The following UBR3 variants were observed in gnomAD, a reference collection of about 807,000 sequenced individuals.
The protein encoded by UBR3 is ubiquitin protein ligase E3 component n-recognin 3.
Under a neutral mutation model 243.2 loss-of-function variants are expected in UBR3, and 85 were observed. The observed-to-expected ratio is 0.35, with a 90% CI of 0.29 to 0.42. The LOEUF is 0.42. UBR3 is among the 10% of genes least tolerant of loss of function. UBR3 has a pLI of 1.00. For missense variants in UBR3, 1,686 were observed against 2,300.8 expected, an observed-to-expected ratio of 0.73 and a Z score of 5.47; for synonymous variants, 748 against 799.8, an observed-to-expected ratio of 0.94 and a Z score of 1.09.
At chr2:169,895,353 T>A (rs1323951979) in intron 7 of UBR3, 42 bp downstream of exon 7, 2 of 1,505,422 alleles carry the variant, frequency 1.3e-6, no homozygotes, top group African/African-American at 2.8e-5. Context: ...TAGCTTTTCT[T>A]TCTTTGCCTT....
At chr2:169,831,062 T>A (rs893501621) in intron 1 of UBR3, among the ~76,000 whole-genome samples, 1 of 145,656 alleles carries the variant, frequency 6.9e-6, no homozygotes, top group African/African-American at 2.5e-5. Flanking sequence ...GTCTCATAGG[T>A]AAGTATTATT....
intron 38 of UBR3, among the ~76,000 whole-genome samples, chr2:170,080,917 G>A (rs183502453): frequency 7.5e-4 from 114 of 152,264 alleles, no homozygotes; most frequent in Admixed American, 1.5e-3. Flanking sequence ...CGTTGGCCAG[G>A]CCCAGTGGCT....
chr2:169,967,473 C>T (rs2087875876), intron 24 of UBR3, among the ~76,000 whole-genome samples: 1 of 152,048 alleles, frequency 6.6e-6, no homozygotes, highest in South Asian at 2.1e-4. Context: ...CAGCAAAAAT[C>T]CTTGCTGTGA....
chr2:169,998,387 C>T lies in UBR3; in HGVS notation c.3919-2917C>T, dbSNP rs144037748. On this transcript the variant is annotated intron_variant, in intron 26 of 38. Transcript: ENST00000272793. ...GAGCTGAAATCTGAGTTGGATTATACTCTGTTGTGTTTCTGTTAGTGATTG... is the reference window on the plus strand; with the variant it reads ...GAGCTGAAATCTGAGTTGGATTATATTCTGTTGTGTTTCTGTTAGTGATTG... Among the ~76,000 whole-genome samples, 4 of 152,226 alleles carry T rather than the reference C, an allele frequency of 2.6e-5. No individual in the cohort carries two copies. The East Asian group carries it at 7.7e-4, about 29-fold the overall frequency.
intron 32 of UBR3, among the ~76,000 whole-genome samples, chr2:170,052,546 G>A (rs1286101645): frequency 6.6e-6 from 1 of 152,148 alleles, no homozygotes; most frequent in Admixed American, 6.5e-5. Flanking sequence ...TGCCATTTGC[G>A]ACAGCATGGA....
At chr2:169,895,663 T>G (rs897110142) in intron 7 of UBR3, among the ~76,000 whole-genome samples, 1 of 152,202 alleles carries the variant, frequency 6.6e-6, no homozygotes, top group Non-Finnish European at 1.5e-5. Flanking sequence ...GCTATAAGAA[T>G]GTTTAATGGG....
intron 30 of UBR3, among the ~76,000 whole-genome samples, chr2:170,020,665 G>T (rs1447697653): frequency 2.0e-5 from 3 of 152,146 alleles, no homozygotes; most frequent in Non-Finnish European, 4.4e-5. Context: ...AGCTGGACTA[G>T]GAGTTATACT....
intron 30 of UBR3, among the ~76,000 whole-genome samples, chr2:170,027,950 C>T (rs1204614856): frequency 6.6e-6 from 1 of 151,720 alleles, no homozygotes; most frequent in Non-Finnish European, 1.5e-5. Context: ...TAATATTACC[C>T]GCCTAGTAGA....
intron 1 of UBR3, among the ~76,000 whole-genome samples, chr2:169,856,750 C>T (rs980656787): frequency 9.4e-5 from 14 of 148,162 alleles, no homozygotes; most frequent in Non-Finnish European, 1.6e-4. Context: ...GAGAATCAGG[C>T]AGGGAGGTTG....
At chr2:170,038,001 A>G (rs1193119788) in intron 31 of UBR3, among the ~76,000 whole-genome samples, 1 of 152,202 alleles carries the variant, frequency 6.6e-6, no homozygotes, top group African/African-American at 2.4e-5. Context: ...GATTGCTTGT[A>G]TTGTAGAAAA....
rs11344991 is a variant in UBR3 at position 169,869,216 on chromosome 2, G to GTTT, written c.546-2999_546-2997dup. On this transcript the variant is annotated intron_variant, in intron 1 of 38. Transcript: ENST00000272793. ...TTCTGGTGATGCTAAGATTGATAAG[G>GTTT]TTTTTTTTTTTTTTTTTTTTTTTGA... Among the ~76,000 whole-genome samples the GTTT allele has an allele frequency of 2.3e-3, 128 of 56,202 alleles. 1 individual carries two copies. The highest frequency in any genetic ancestry group is 3.2e-3 in the African/African-American group (50 of 15,482). 36.9% of individuals were successfully genotyped at this position (56,202 alleles called of 152,430 possible).
At chr2:169,844,760 T>C (rs935762478) in intron 1 of UBR3, among the ~76,000 whole-genome samples, 3 of 152,188 alleles carry the variant, frequency 2.0e-5, no homozygotes, top group Non-Finnish European at 4.4e-5. Flanking sequence ...CCTCTCAAAG[T>C]GCTGGGATTA....
intron 11 of UBR3, among the ~76,000 whole-genome samples, chr2:169,920,759 C>T (rs1022896013): frequency 1.3e-5 from 2 of 152,070 alleles, no homozygotes; most frequent in Admixed American, 6.6e-5. Flanking sequence ...ATTGCTCAAG[C>T]GGGGGTAGAT....
intron 11 of UBR3, among the ~76,000 whole-genome samples, chr2:169,921,035 G>A (rs1422475701): frequency 6.6e-6 from 1 of 152,012 alleles, no homozygotes; most frequent in Non-Finnish European, 1.5e-5. Flanking sequence ...AGAAGAAAGT[G>A]GATTTAAGAG....
At chr2:170,065,971 CTTTT>C (rs200207380) in intron 35 of UBR3, among the ~76,000 whole-genome samples, 4 of 140,646 alleles carry the variant, frequency 2.8e-5, no homozygotes, top group South Asian at 2.2e-4. Flanking sequence ...TATCCCGTGC[CTTTT>C]TTTTTTTTGC....
intron 26 of UBR3, 42 bp downstream of exon 26, chr2:169,994,498 G>C: frequency 6.4e-7 from 1 of 1,566,052 alleles, no homozygotes; most frequent in South Asian, 1.2e-5. Context: ...CTGCCAAGTT[G>C]ATGGTTATTT....
chr2:169,936,051 T>G (rs1324991900), intron 19 of UBR3, among the ~76,000 whole-genome samples: 1 of 152,142 alleles, frequency 6.6e-6, no homozygotes, highest in Non-Finnish European at 1.5e-5. Flanking sequence ...CCAATTTATT[T>G]ATTTTTTATT....
chr2:169,971,112 A>G (rs1414200996), intron 24 of UBR3, among the ~76,000 whole-genome samples: 1 of 152,022 alleles, frequency 6.6e-6, no homozygotes, highest in South Asian at 2.1e-4. Context: ...TTTTGGCTGC[A>G]TAAATGTCTT....
At chr2:169,891,073 A>T in intron 5 of UBR3, 92 bp from the exon 6 acceptor site, 1 of 805,706 alleles carries the variant, frequency 1.2e-6, no homozygotes, top group African/African-American at 1.7e-5. Flanking sequence ...GCATGCATAT[A>T]TTATGTGTTT....
Sources: gnomAD v4.1 joint callset for allele counts (sites outside exome capture counted in the v4.1 genomes callset) on GRCh38, gnomAD v4.1.1 for gene constraint, MANE v1.5 for transcripts, NCBI Gene and HGNC (gene_info 2026-07-23, HGNC 2026-07-21) for gene names.